The following MAGI2 variants were observed in gnomAD, a reference collection of about 807,000 sequenced individuals.
The protein encoded by MAGI2 is membrane associated guanylate kinase, WW and PDZ domain containing 2.
Under a neutral mutation model 133.3 loss-of-function variants are expected in MAGI2, and 35 were observed. That is an observed-to-expected ratio of 0.26 (90% CI 0.20 to 0.35). MAGI2 has a LOEUF of 0.35. MAGI2 is among the 10% of genes least tolerant of loss of function. The probability of loss-of-function intolerance (pLI) is 1.00; values close to 1 mark genes in which losing one functional copy is unlikely to be tolerated. For missense variants in MAGI2, 1,636 were observed against 1,863.4 expected, an observed-to-expected ratio of 0.88 and a Z score of 2.25; for synonymous variants, 729 against 710.6, an observed-to-expected ratio of 1.03 and a Z score of -0.41.
chr7:78,751,564 A>G (rs1169530815), intron 2 of MAGI2, among the ~76,000 whole-genome samples: 1 of 152,212 alleles, frequency 6.6e-6, no homozygotes. Flanking sequence ...GCTACTACTC[A>G]ATTGTGGTAT....
At chr7:78,520,149 A>G (rs1180212878) in intron 4 of MAGI2, among the ~76,000 whole-genome samples, 2 of 152,178 alleles carry the variant, frequency 1.3e-5, no homozygotes, top group African/African-American at 4.8e-5. Flanking sequence ...TTTAACTCAC[A>G]TATATTAAGG....
At chr7:78,274,977 C>T (rs566604420) in intron 9 of MAGI2, among the ~76,000 whole-genome samples, 114 of 149,724 alleles carry the variant, frequency 7.6e-4, no homozygotes, top group Non-Finnish European at 4.5e-4. Flanking sequence ...TGGTGTTCCA[C>T]GTTCCACTGG....
intron 6 of MAGI2, among the ~76,000 whole-genome samples, chr7:78,371,936 T>C (rs963404075): frequency 3.9e-5 from 6 of 152,062 alleles, no homozygotes; most frequent in African/African-American, 1.2e-4. Context: ...AAGAGCACCA[T>C]TTGTTTCATT....
At chr7:78,331,040 A>T (rs1789138028) in intron 9 of MAGI2, among the ~76,000 whole-genome samples, 1 of 152,242 alleles carries the variant, frequency 6.6e-6, no homozygotes, top group Admixed American at 6.5e-5. Context: ...ATAAAAAATG[A>T]TGAAATCATG....
chr7:78,723,562 A>G (rs1820470308), intron 2 of MAGI2, among the ~76,000 whole-genome samples: 1 of 152,236 alleles, frequency 6.6e-6, no homozygotes, highest in Non-Finnish European at 1.5e-5. Flanking sequence ...TAGGGTATGT[A>G]GAGATAGTAT....
chr7:78,810,987 T>A (rs1167041825), intron 2 of MAGI2, among the ~76,000 whole-genome samples: 1 of 152,072 alleles, frequency 6.6e-6, no homozygotes, highest in East Asian at 1.9e-4. Context: ...TTATTTTTGA[T>A]GGATGTAGGC....
intron 2 of MAGI2, among the ~76,000 whole-genome samples, chr7:78,876,568 C>T (rs933445699): frequency 2.0e-5 from 3 of 151,774 alleles, no homozygotes; most frequent in Admixed American, 6.6e-5. Flanking sequence ...TTGTAACCAC[C>T]AAAAGGAAGG....
chr7:78,356,548 A>G (rs558204603), intron 7 of MAGI2, among the ~76,000 whole-genome samples: 109 of 152,370 alleles, frequency 7.2e-4, no homozygotes, highest in African/African-American at 2.5e-3. Flanking sequence ...ACTACACTTT[A>G]TAAGTATCAA....
intron 2 of MAGI2, among the ~76,000 whole-genome samples, chr7:78,632,757 G>C (rs549517683): frequency 6.6e-6 from 1 of 152,194 alleles, no homozygotes; most frequent in African/African-American, 2.4e-5. Flanking sequence ...AGAAAATGAC[G>C]AGGTTGTGGG....
chr7:78,506,168 G>C (rs2150540690), intron 4 of MAGI2, among the ~76,000 whole-genome samples: 1 of 152,290 alleles, frequency 6.6e-6, no homozygotes. Flanking sequence ...AAGTAATGAT[G>C]GTGGCACGGA....
intron 1 of MAGI2, among the ~76,000 whole-genome samples, chr7:79,290,281 A>C (rs1462374941): frequency 6.6e-6 from 1 of 151,958 alleles, no homozygotes; most frequent in Non-Finnish European, 1.5e-5. Flanking sequence ...AGCTAAACTC[A>C]CCACTTTCCT....
intron 3 of MAGI2, among the ~76,000 whole-genome samples, chr7:78,589,578 C>A (rs181848343): frequency 2.0e-5 from 3 of 152,206 alleles, no homozygotes; most frequent in East Asian, 1.9e-4. Context: ...ACCCTAATTC[C>A]GTGAGTGAGA....
intron 20 of MAGI2, 142 bp from the exon 21 acceptor site, chr7:78,079,227 T>A: frequency 1.3e-6 from 1 of 761,024 alleles, no homozygotes; most frequent in Non-Finnish European, 2.2e-6. Flanking sequence ...TGGAAGAGGC[T>A]ATTCCCTGGC....
At chr7:78,330,574 C>T (rs1392247533) in intron 9 of MAGI2, among the ~76,000 whole-genome samples, 1 of 31,620 alleles carries the variant, frequency 3.2e-5, no homozygotes, top group Non-Finnish European at 6.8e-5. Flanking sequence ...GCCGAGATTG[C>T]GCCACTGCAC....
intron 1 of MAGI2, among the ~76,000 whole-genome samples, chr7:79,016,886 T>C (rs1261635238): frequency 6.6e-6 from 1 of 152,214 alleles, no homozygotes; most frequent in African/African-American, 2.4e-5. Context: ...CGTTAATGCA[T>C]GAACACAGGA....
At chr7:78,639,083 C>T (rs567041993) in intron 2 of MAGI2, among the ~76,000 whole-genome samples, 4 of 152,288 alleles carry the variant, frequency 2.6e-5, no homozygotes, top group Non-Finnish European at 5.9e-5. Flanking sequence ...TGACCTTCAT[C>T]GCATGGAAGG....
At chr7:79,449,790 A>G (rs1376756631) in intron 1 of MAGI2, among the ~76,000 whole-genome samples, 1 of 151,568 alleles carries the variant, frequency 6.6e-6, no homozygotes, top group Non-Finnish European at 1.5e-5. Flanking sequence ...GCTTAAATTA[A>G]AAAGATAATT....
intron 1 of MAGI2, among the ~76,000 whole-genome samples, chr7:79,130,360 T>G (rs1320561033): frequency 6.6e-6 from 1 of 152,166 alleles, no homozygotes; most frequent in Non-Finnish European, 1.5e-5. Flanking sequence ...TTTTTATTTC[T>G]TTTTATTTTT....
intron 14 of MAGI2, among the ~76,000 whole-genome samples, chr7:78,172,226 T>C (rs967160869): frequency 6.6e-6 from 1 of 152,194 alleles, no homozygotes; most frequent in Non-Finnish European, 1.5e-5. Flanking sequence ...CCAGGCCTTT[T>C]GATCGCTTTC....
Sources: gnomAD v4.1 joint callset for allele counts (sites outside exome capture counted in the v4.1 genomes callset) on GRCh38, gnomAD v4.1.1 for gene constraint, MANE v1.5 for transcripts, NCBI Gene and HGNC (gene_info 2026-07-23, HGNC 2026-07-21) for gene names.